Variants in FRMD4A observed in about 807,000 individuals in gnomAD.
FRMD4A encodes FERM domain-containing protein 4A.
In FRMD4A, 29 loss-of-function variants were observed where a neutral mutation model predicts 129.1. That is an observed-to-expected ratio of 0.22 (90% confidence interval 0.17 to 0.31). The LOEUF (loss-of-function observed/expected upper bound fraction) is 0.31. Ranked by LOEUF, FRMD4A falls within the 10% of genes least tolerant of loss-of-function variation. FRMD4A has a pLI of 1.00. For missense variants in FRMD4A, 1,272 were observed against 1,375.8 expected (o/e 0.92, Z 1.19); for synonymous variants, 634 against 571.6 (o/e 1.11, Z -1.56).
At chr10:13,720,680 C>A (rs1333940641) in intron 12 of FRMD4A, among the ~76,000 whole-genome samples, 1 of 152,122 alleles carries the variant, frequency 6.6e-6, no homozygotes, top group East Asian at 1.9e-4. Flanking sequence ...ACAGGGTTTG[C>A]CACTGTTAAC....
intron 2 of FRMD4A, among the ~76,000 whole-genome samples, chr10:14,177,359 G>C (rs1329595312): frequency 1.3e-5 from 2 of 152,042 alleles, no homozygotes; most frequent in Non-Finnish European, 2.9e-5. Context: ...TTTCAGTAGA[G>C]ATGGGGTTTC....
At chr10:14,280,328 T>C (rs535155472) in intron 2 of FRMD4A, among the ~76,000 whole-genome samples, 1 of 151,660 alleles carries the variant, frequency 6.6e-6, no homozygotes. Flanking sequence ...TTTTTTTTTT[T>C]AAATTTAGGG....
intron 6 of FRMD4A, among the ~76,000 whole-genome samples, chr10:13,775,206 A>T (rs905643104): frequency 8.5e-5 from 13 of 152,210 alleles, no homozygotes; most frequent in African/African-American, 3.1e-4. Flanking sequence ...ACTAAAAAAG[A>T]ATGCATGTCA....
At chr10:13,890,614 C>T (rs2094684153) in intron 2 of FRMD4A, 1 of 985,388 alleles carries the variant, frequency 1.0e-6, no homozygotes, top group South Asian at 4.7e-5. Context: ...TTCAGAGCAA[C>T]CCCTTTCATC....
At chr10:14,288,026 G>T (rs1353294846) in intron 2 of FRMD4A, among the ~76,000 whole-genome samples, 1 of 151,578 alleles carries the variant, frequency 6.6e-6, no homozygotes, top group Admixed American at 6.6e-5. Flanking sequence ...TGAAACTCTA[G>T]AATAAATGAC....
At chr10:14,193,497 G>A (rs538026877) in intron 2 of FRMD4A, among the ~76,000 whole-genome samples, 6 of 137,046 alleles carry the variant, frequency 4.4e-5, no homozygotes, top group East Asian at 2.3e-4. Context: ...CACACAGAGT[G>A]TGCAATGGAA....
At chr10:13,903,041 G>A (rs908259190) in intron 2 of FRMD4A, among the ~76,000 whole-genome samples, 7 of 151,942 alleles carry the variant, frequency 4.6e-5, no homozygotes, top group African/African-American at 1.2e-4. Flanking sequence ...ACTGTGCTCC[G>A]GGCACCCTGT....
At chr10:14,147,736 G>A (rs115800032) in intron 2 of FRMD4A, among the ~76,000 whole-genome samples, 1,983 of 152,090 alleles carry the variant, frequency 0.013, 59 homozygotes, top group African/African-American at 0.046. Context: ...TCCCTTGCCC[G>A]CCACTCACCT....
At chr10:14,060,033 A>C (rs1256655680) in intron 2 of FRMD4A, among the ~76,000 whole-genome samples, 1 of 152,242 alleles carries the variant, frequency 6.6e-6, no homozygotes, top group East Asian at 1.9e-4. Flanking sequence ...CATGCAGTCT[A>C]GTTCCACAGT....
chr10:14,216,186 G>T (rs1319464396), intron 2 of FRMD4A, among the ~76,000 whole-genome samples: 1 of 152,172 alleles, frequency 6.6e-6, no homozygotes, highest in Non-Finnish European at 1.5e-5. Flanking sequence ...GTGAATAAAT[G>T]TGACTCACCC....
At chr10:14,149,923 A>T (rs998645698) in intron 2 of FRMD4A, among the ~76,000 whole-genome samples, 14 of 152,198 alleles carry the variant, frequency 9.2e-5, no homozygotes, top group African/African-American at 3.4e-4. Flanking sequence ...AAGAGGTTTA[A>T]TTGATTCACA....
At chr10:13,909,240 G>T (rs146381117) in intron 2 of FRMD4A, among the ~76,000 whole-genome samples, 3 of 152,294 alleles carry the variant, frequency 2.0e-5, no homozygotes, top group Non-Finnish European at 4.4e-5. Context: ...TGAATGAAAG[G>T]GTGCAAGGAC....
At chr10:14,274,263 G>A (rs781700413) in intron 2 of FRMD4A, among the ~76,000 whole-genome samples, 9 of 152,170 alleles carry the variant, frequency 5.9e-5, no homozygotes, top group African/African-American at 1.4e-4. Flanking sequence ...AGAACTTGAC[G>A]ACAACTCTCT....
intron 9 of FRMD4A, among the ~76,000 whole-genome samples, chr10:13,743,202 A>C (rs2091106227): frequency 6.6e-6 from 1 of 152,078 alleles, no homozygotes. Flanking sequence ...ATGCCGAGGA[A>C]GTTCTATATC....
Position 14,316,242 on chromosome 10 carries a change from A to C in FRMD4A, c.45+13816T>G, listed in dbSNP as rs138178925. ...ATGTTAACATTTAATTGTCATTGTA[A>C]CAATATTAAGAGGTAGAGTTTTCAA... On this transcript the variant is annotated intron_variant, in intron 2 of 24. Transcript: ENST00000357447. 9.3e-4 allele frequency among the ~76,000 whole-genome samples: 142 copies of C among 152,324 alleles called. 1 individual carries two copies. The highest frequency in any genetic ancestry group is 1.8e-3 in the Non-Finnish European group (122 of 68,034).
chr10:14,166,990 T>C (rs778277500), intron 2 of FRMD4A, among the ~76,000 whole-genome samples: 7 of 152,110 alleles, frequency 4.6e-5, no homozygotes, highest in Non-Finnish European at 7.4e-5. Flanking sequence ...ATGGGATAAA[T>C]ACACACTTAG....
intron 2 of FRMD4A, among the ~76,000 whole-genome samples, chr10:14,251,665 T>C (rs1341023895): frequency 6.6e-6 from 1 of 152,196 alleles, no homozygotes; most frequent in Non-Finnish European, 1.5e-5. Flanking sequence ...CCAGGTGATA[T>C]TAAGGAGTTT....
In FRMD4A at chr10:13,900,325, TCATTA is replaced by T. The variant is rs139210363; in HGVS notation, c.46-41418_46-41414del. On this transcript the variant is annotated intron_variant, in intron 2 of 24. Transcript: ENST00000357447. ...CAAGTTTTATAGTTTTGTTGTGTTCTCATTACATTAGATAGTTGGTTATGATTTTT... is the reference window on the plus strand; with the variant it reads ...CAAGTTTTATAGTTTTGTTGTGTTCTCATTAGATAGTTGGTTATGATTTTT... Among the ~76,000 whole-genome samples the T allele has an allele frequency of 0.012, 1,794 of 152,330 alleles. 77 individuals carry two copies. In the East Asian group the frequency reaches 0.15, roughly 13 times the overall value.
chr10:13,659,547 G>A, intron 20 of FRMD4A, 57 bp from the exon 21 acceptor site: 1 of 1,538,072 alleles, frequency 6.5e-7, no homozygotes, highest in Non-Finnish European at 8.9e-7. Context: ...CTTTCCTGGG[G>A]GGCTGGCTAG....
Sources: allele counts gnomAD v4.1 joint callset (sites outside exome capture counted in the v4.1 genomes callset), GRCh38; gene constraint gnomAD v4.1.1; transcripts MANE v1.5; gene names NCBI Gene and HGNC (gene_info 2026-07-23, HGNC 2026-07-21).